ERCC6: variants seen among roughly 807,000 people sequenced by gnomAD.
The protein encoded by ERCC6 is DNA excision repair protein ERCC-6.
Under a neutral mutation model 158.7 loss-of-function variants are expected in ERCC6, and 116 were observed. The observed-to-expected ratio is 0.73, with a 90% CI of 0.63 to 0.85. ERCC6 has a LOEUF of 0.85. Ranked by LOEUF, ERCC6 falls within the 40% of genes least tolerant of loss-of-function variation. The pLI is 0.00. For missense variants in ERCC6, 1,698 were observed against 1,799.4 expected, an observed-to-expected ratio of 0.94 and a Z score of 1.02; for synonymous variants, 678 against 659.3, an observed-to-expected ratio of 1.03 and a Z score of -0.43.
At chr10:49,521,704 G>A (rs1837168412) in intron 5 of ERCC6, among the ~76,000 whole-genome samples, 1 of 152,208 alleles carries the variant, frequency 6.6e-6, no homozygotes, top group African/African-American at 2.4e-5. Flanking sequence ...TGCAGAGGAG[G>A]AGGCAGGAGA....
intron 7 of ERCC6, among the ~76,000 whole-genome samples, chr10:49,494,779 C>T (rs1052291918): frequency 3.3e-5 from 5 of 152,186 alleles, no homozygotes; most frequent in African/African-American, 1.2e-4. Flanking sequence ...TTTCTGGCTA[C>T]ATGTACAGAC....
intron 5 of ERCC6, among the ~76,000 whole-genome samples, chr10:49,520,973 C>T (rs1406154030): frequency 1.3e-5 from 2 of 152,334 alleles, no homozygotes; most frequent in East Asian, 3.9e-4. Context: ...AGCCACCCAA[C>T]AAGACAAGGC....
intron 11 of ERCC6, among the ~76,000 whole-genome samples, chr10:49,477,217 G>A (rs949125043): frequency 2.0e-5 from 3 of 152,082 alleles, no homozygotes; most frequent in African/African-American, 7.2e-5. Context: ...GAACCTACCA[G>A]GATCAGGCAT....
At chr10:49,500,081 A>G (rs917008737) in intron 7 of ERCC6, among the ~76,000 whole-genome samples, 17 of 152,222 alleles carry the variant, frequency 1.1e-4, no homozygotes, top group African/African-American at 4.1e-4. Flanking sequence ...AACTCTCCCC[A>G]TGAATAGACT....
downstream of ERCC6, among the ~76,000 whole-genome samples, chr10:49,454,289 C>T (rs533405714): frequency 1.2e-4 from 18 of 152,276 alleles, no homozygotes; most frequent in South Asian, 3.3e-3. Flanking sequence ...TTAGCTCTTG[C>T]CACTTGAAGC....
At chr10:49,530,334 G>A (rs779766147) in intron 3 of ERCC6, among the ~76,000 whole-genome samples, 29 of 152,188 alleles carry the variant, frequency 1.9e-4, no homozygotes, top group Non-Finnish European at 3.5e-4. Flanking sequence ...TATAAACTGA[G>A]GAGCCTCTGG....
chr10:49,461,607 GAC>G (rs1458437887), intron 18 of ERCC6, 51 bp from the exon 19 acceptor site: 1 of 1,546,794 alleles, frequency 6.5e-7, no homozygotes, highest in Non-Finnish European at 8.8e-7. Context: ...ATGCAAGAAA[GAC>G]ACTTTTCTCC....
intron 6 of ERCC6, chr10:49,503,135 T>C (rs1488166141): frequency 6.6e-6 from 1 of 152,110 alleles, no homozygotes; most frequent in Non-Finnish European, 1.5e-5. Flanking sequence ...CCAACAACTC[T>C]TTTTGCTTGG....
Position 49,532,915 on chromosome 10 carries a change from C to G in ERCC6, c.50G>C (p.Cys17Ser), listed in dbSNP as rs1196819313. ...ATTACTGACAGGTTGACTCTGTAAA[C>G]AGTCTTGCTCCTGAGTTTGACTTGA... ...PHSSQTQEQDCLQSQPVSNNE... is the reference protein window; with the variant it reads ...PHSSQTQEQDSLQSQPVSNNE... Residue 17 changes from cysteine (C) to serine (S), a missense_variant, in exon 2 of 21, where the codon TGT (cysteine) becomes TCT (serine). Transcript: ENST00000355832. 6.2e-7 allele frequency: 1 copy of G among 1,614,106 alleles called. No homozygotes were observed. Among genetic ancestry groups the G allele is most frequent in the African/African-American group, 1.3e-5 (1 of 74,932 alleles).
At chr10:49,440,160 T>C in the ERCC6 span, among the ~76,000 whole-genome samples, 1 of 152,220 alleles carries the variant, frequency 6.6e-6, no homozygotes, top group African/African-American at 2.4e-5. Flanking sequence ...ATTAGTCCAT[T>C]TTCATGCTGC....
At chr10:49,534,140 A>C (rs1837537951) in intron 1 of ERCC6, among the ~76,000 whole-genome samples, 1 of 147,344 alleles carries the variant, frequency 6.8e-6, no homozygotes, top group Admixed American at 6.8e-5. Context: ...TCTCAAAAAA[A>C]AAAAAAAAAA....
Position 49,473,492 on chromosome 10 carries a change from A to T in ERCC6, c.2694T>A (p.Ile898=). 1 of 1,606,604 alleles carries T rather than the reference A, an allele frequency of 6.2e-7. No individual in the cohort carries two copies. Among genetic ancestry groups the T allele is most frequent in the African/African-American group, 1.3e-5 (1 of 74,884 alleles). The change falls in exon 14 of 21, where the codon ATT becomes ATA. Residue 898 remains isoleucine (I), a synonymous_variant. Coordinates refer to ENST00000355832, the MANE Select transcript of ERCC6 (RefSeq NM_000124.4). ...CACATGTTACCTCATTGTATCTCGT[A>T]ATCAGTGGCTGTCTTGAAGCTATTG... ...TTTIASRQPL[I]TRYNEDTSIF...
At chr10:49,487,582 C>T (rs1175173766) in intron 8 of ERCC6, among the ~76,000 whole-genome samples, 1 of 152,164 alleles carries the variant, frequency 6.6e-6, no homozygotes, top group Non-Finnish European at 1.5e-5. Context: ...TTTAGCACCT[C>T]ACCTGGTCAG....
rs556979472 is a variant in ERCC6 at position 49,498,136 on chromosome 10, T to C, written c.1685+2402A>G. Among the ~76,000 whole-genome samples, 3 of 152,320 alleles carry C rather than the reference T, an allele frequency of 2.0e-5. No homozygotes were observed. In the East Asian group the frequency reaches 5.8e-4, roughly 29 times the overall value. ...TTATTAACCATAAGCAATATGTTTC[T>C]CTGTCTTCTAGAAACACACATACAA... On this transcript the variant is annotated intron_variant, in intron 7 of 20. Transcript: ENST00000355832.
At chr10:49,477,085 C>T (rs1199628054) in intron 11 of ERCC6, among the ~76,000 whole-genome samples, 1 of 152,154 alleles carries the variant, frequency 6.6e-6, no homozygotes, top group Non-Finnish European at 1.5e-5. Flanking sequence ...GCCCGCCCAG[C>T]ATCTTCCACA....
chr10:49,524,090 C>A lies in ERCC6; in HGVS notation c.1340G>T (p.Arg447Leu). ...ATCATCTCGGTATCTTCCCACTTTC[C>A]GACCTCCTCCTCCTCCTTCTCCTAC... is the stretch of plus-strand genomic sequence containing the variant. ...ASVGEGGGGGRKVGRYRDDGD... is the reference protein window; with the variant it reads ...ASVGEGGGGGLKVGRYRDDGD... The change falls in exon 5 of 21, where the codon CGG becomes CTG. Residue 447 changes from arginine (R) to leucine (L), a missense_variant. Physicochemically the swap from Arg to Leu is moderately radical, Grantham distance 102 (BLOSUM62 -2). Transcript: ENST00000355832. 6.2e-7 allele frequency: 1 copy of A among 1,613,690 alleles called. No individual in the cohort carries two copies. The highest frequency in any genetic ancestry group is 8.5e-7 in the Non-Finnish European group (1 of 1,180,004).
chr10:49,493,950 T>C (rs1851221786), intron 7 of ERCC6, among the ~76,000 whole-genome samples: 3 of 152,328 alleles, frequency 2.0e-5, no homozygotes, highest in Admixed American at 6.5e-5. Context: ...TGTGGGCAGG[T>C]AGTTCGGCAG....
At chr10:49,468,296 C>G (rs1850712146) in intron 18 of ERCC6, among the ~76,000 whole-genome samples, 1 of 152,216 alleles carries the variant, frequency 6.6e-6, no homozygotes, top group South Asian at 2.1e-4. Flanking sequence ...ACCCTGGCCT[C>G]CCCTGATGCT....
chr10:49,493,687 A>G (rs904051556), intron 7 of ERCC6, among the ~76,000 whole-genome samples: 3 of 152,178 alleles, frequency 2.0e-5, no homozygotes, highest in Non-Finnish European at 2.9e-5. Context: ...CAGAATTTCA[A>G]TCTCACTGCC....
Sources: gnomAD v4.1 joint callset for allele counts (sites outside exome capture counted in the v4.1 genomes callset) on GRCh38, gnomAD v4.1.1 for gene constraint, MANE v1.5 for transcripts, NCBI Gene and HGNC (gene_info 2026-07-23, HGNC 2026-07-21) for gene names.